COL25A1: variants seen among roughly 807,000 people sequenced by gnomAD.
COL25A1 encodes collagen alpha-1(XXV) chain.
Under a neutral mutation model 128.4 loss-of-function variants are expected in COL25A1, and 103 were observed. The ratio of observed to expected loss-of-function variants is 0.80; its 90% CI spans 0.68 to 0.94. COL25A1 has a LOEUF of 0.94. Ranked by LOEUF, COL25A1 falls within the 40% of genes least tolerant of loss-of-function variation. COL25A1 has a pLI of 0.00. For missense variants in COL25A1, 745 were observed against 840.0 expected, an observed-to-expected ratio of 0.89 and a Z score of 1.40; for synonymous variants, 279 against 277.2, an observed-to-expected ratio of 1.01 and a Z score of -0.06.
intron 3 of COL25A1, among the ~76,000 whole-genome samples, chr4:109,239,225 C>T (rs1779672761): frequency 6.6e-6 from 1 of 151,146 alleles, no homozygotes; most frequent in African/African-American, 2.4e-5. Flanking sequence ...CTTAAACAAA[C>T]CTAGATGGTA....
At chr4:109,255,998 A>C (rs1477867738) in intron 3 of COL25A1, among the ~76,000 whole-genome samples, 1 of 152,010 alleles carries the variant, frequency 6.6e-6, no homozygotes, top group African/African-American at 2.4e-5. Context: ...CATCAATGCT[A>C]ATCTCACCTC....
chr4:108,914,774 C>T (rs912370731), intron 13 of COL25A1, among the ~76,000 whole-genome samples: 4 of 151,038 alleles, frequency 2.6e-5, no homozygotes, highest in Admixed American at 1.3e-4. Context: ...CCACCTTGGC[C>T]TCCCAAAGCG....
chr4:109,134,700 A>G (rs1769542303), intron 3 of COL25A1, among the ~76,000 whole-genome samples: 1 of 152,162 alleles, frequency 6.6e-6, no homozygotes, highest in Non-Finnish European at 1.5e-5. Context: ...TGTATGAACT[A>G]GATGGACGGT....
intron 3 of COL25A1, among the ~76,000 whole-genome samples, chr4:109,233,104 T>G (rs1489553405): frequency 6.6e-6 from 1 of 152,314 alleles, no homozygotes; most frequent in South Asian, 2.1e-4. Flanking sequence ...GGCTTTCACC[T>G]GCATATTAAG....
intron 5 of COL25A1, among the ~76,000 whole-genome samples, chr4:109,027,617 T>G (rs1292254303): frequency 6.6e-6 from 1 of 151,852 alleles, no homozygotes; most frequent in Non-Finnish European, 1.5e-5. Flanking sequence ...TGGAGAGATG[T>G]TAGGAGGCTT....
intron 3 of COL25A1, among the ~76,000 whole-genome samples, chr4:109,065,129 G>A (rs535481162): frequency 5.4e-4 from 82 of 152,180 alleles, no homozygotes; most frequent in Admixed American, 1.6e-3. Flanking sequence ...GGCTACAGCT[G>A]AGAAATTCCA....
intron 8 of COL25A1, among the ~76,000 whole-genome samples, chr4:108,952,903 CT>C (rs1319335855): frequency 7.9e-6 from 1 of 126,434 alleles, no homozygotes; most frequent in African/African-American, 3.0e-5. Flanking sequence ...CTGCCATTCT[CT>C]GGGAACTCTA....
At chr4:108,905,538 T>A (rs567855785) in intron 13 of COL25A1, among the ~76,000 whole-genome samples, 32 of 149,720 alleles carry the variant, frequency 2.1e-4, no homozygotes, top group South Asian at 1.5e-3. Context: ...AAAATAAAAA[T>A]AATAATAATA....
At chr4:109,044,366 T>C (rs1470157073) in intron 5 of COL25A1, among the ~76,000 whole-genome samples, 1 of 151,398 alleles carries the variant, frequency 6.6e-6, no homozygotes, top group African/African-American at 2.4e-5. Context: ...AATATATGGT[T>C]GCTAAATTAA....
chr4:108,971,276 A>G (rs532539799), intron 8 of COL25A1, among the ~76,000 whole-genome samples: 18 of 152,306 alleles, frequency 1.2e-4, no homozygotes, highest in African/African-American at 4.3e-4. Flanking sequence ...TCATACATTC[A>G]ACAAATATTT....
At chr4:109,074,684 T>C (rs150175253) in intron 3 of COL25A1, among the ~76,000 whole-genome samples, 6 of 152,312 alleles carry the variant, frequency 3.9e-5, no homozygotes, top group African/African-American at 1.4e-4. Context: ...TTCTCATTAA[T>C]TATGAGAATA....
intron 6 of COL25A1, among the ~76,000 whole-genome samples, chr4:109,007,432 T>G (rs1412552641): frequency 6.6e-6 from 1 of 152,198 alleles, no homozygotes. Context: ...GATGTAGGCA[T>G]AAGAGGTAGG....
intron 15 of COL25A1, 73 bp from the exon 16 acceptor site, chr4:108,896,784 A>G (rs1742207919): frequency 1.5e-6 from 2 of 1,359,792 alleles, no homozygotes; most frequent in Non-Finnish European, 2.1e-6. Flanking sequence ...TCATTATTTT[A>G]AGCTTTCTTT....
Position 109,097,204 on chromosome 4 carries a change from G to A in COL25A1, c.368-47025C>T, listed in dbSNP as rs531421610. On this transcript the variant is annotated intron_variant, in intron 3 of 37. Transcript: ENST00000399132. ...TGTGGCATTTAGCACGACTGACTCC[G>A]TTTTGGTTTGGTCTGGTCTGTTTGT... Among the ~76,000 whole-genome samples the A allele has an allele frequency of 3.3e-5, 5 of 152,214 alleles. No homozygotes were observed. The South Asian group carries it at 6.2e-4, about 19-fold the overall frequency.
At chr4:108,821,542 G>A (rs1333886981) in intron 35 of COL25A1, among the ~76,000 whole-genome samples, 1 of 152,118 alleles carries the variant, frequency 6.6e-6, no homozygotes, top group Non-Finnish European at 1.5e-5. Context: ...GGTGTCTTGG[G>A]TATTATCACT....
intron 35 of COL25A1, among the ~76,000 whole-genome samples, chr4:108,820,316 TA>T: frequency 6.6e-6 from 1 of 152,190 alleles, no homozygotes; most frequent in Non-Finnish European, 1.5e-5. Context: ...TGCTTTTTTC[TA>T]ATCCTGTAAC....
At chr4:109,128,297 C>A (rs780384939) in intron 3 of COL25A1, among the ~76,000 whole-genome samples, 22 of 152,132 alleles carry the variant, frequency 1.4e-4, no homozygotes, top group Non-Finnish European at 2.6e-4. Context: ...ATTCCTTGTT[C>A]AAAATTTCTT....
intron 3 of COL25A1, among the ~76,000 whole-genome samples, chr4:109,166,694 A>AGC (rs1338388835): frequency 2.0e-5 from 3 of 152,224 alleles, no homozygotes; most frequent in African/African-American, 7.2e-5. Flanking sequence ...TGGCACTGTG[A>AGC]GCACACAAGC....
intron 19 of COL25A1, among the ~76,000 whole-genome samples, chr4:108,881,954 G>C (rs1231733658): frequency 6.6e-6 from 1 of 152,116 alleles, no homozygotes; most frequent in African/African-American, 2.4e-5. Flanking sequence ...TACTCTTGAT[G>C]AAAAGAGTTT....
Sources: gnomAD v4.1 joint callset for allele counts (sites outside exome capture counted in the v4.1 genomes callset) on GRCh38, gnomAD v4.1.1 for gene constraint, MANE v1.5 for transcripts, NCBI Gene and HGNC (gene_info 2026-07-23, HGNC 2026-07-21) for gene names.